PCDH11X: variants seen among roughly 807,000 people sequenced by gnomAD.
PCDH11X encodes protocadherin 11 X-linked, also known as protocadherin-11 X-linked.
PCDH11X carries 18 observed loss-of-function variants against 53.3 expected under a neutral mutation model. The observed-to-expected ratio is 0.34, with a 90% CI of 0.23 to 0.50. The LOEUF is 0.50. PCDH11X is among the 20% of genes least tolerant of loss of function. PCDH11X has a pLI of 0.98. For missense variants in PCDH11X, 570 were observed against 1,032.4 expected, an observed-to-expected ratio of 0.55 and a Z score of 6.14; for synonymous variants, 279 against 393.3, an observed-to-expected ratio of 0.71 and a Z score of 3.44.
intron 4 of PCDH11X, among the ~76,000 whole-genome samples, chrX:91,819,259 G>A (rs1371912531): frequency 2.8e-5 from 3 of 107,211 alleles, no homozygotes; most frequent in Non-Finnish European, 5.8e-5. Context: ...GTTTGTGGTT[G>A]TCCTAAGTGA....
chrX:91,866,714 TG>T (rs1479772104), intron 5 of PCDH11X, among the ~76,000 whole-genome samples: 1 of 111,062 alleles, frequency 9.0e-6, no homozygotes, highest in East Asian at 2.8e-4. Flanking sequence ...AGTGCTCACC[TG>T]ATTTTTTCAT....
At chrX:92,582,971 C>T (rs1169614820) in intron 10 of PCDH11X, among the ~76,000 whole-genome samples, 1 of 110,939 alleles carries the variant, frequency 9.0e-6, no homozygotes, top group Non-Finnish European at 1.9e-5. Context: ...CAATGTCTTC[C>T]ATTTGGAATG....
chrX:91,955,624 G>A (rs1278122963), intron 6 of PCDH11X, among the ~76,000 whole-genome samples: 1 of 111,733 alleles, frequency 8.9e-6, no homozygotes, highest in African/African-American at 3.3e-5. Flanking sequence ...TGTGCTGAGA[G>A]ACTGTTTATT....
At chrX:91,869,155 G>A (rs1706669984) in intron 5 of PCDH11X, among the ~76,000 whole-genome samples, 1 of 109,840 alleles carries the variant, frequency 9.1e-6, no homozygotes, top group South Asian at 3.9e-4. Flanking sequence ...TACTTTTAGG[G>A]GTGGTAGTTT....
chrX:92,489,097 T>C (rs2073705141), intron 10 of PCDH11X, among the ~76,000 whole-genome samples: 1 of 104,589 alleles, frequency 9.6e-6, no homozygotes, highest in Admixed American at 1.1e-4. Context: ...GTATCCATTC[T>C]GATGACTTCT....
At chrX:92,278,002 A>C (rs1407391052) in intron 8 of PCDH11X, among the ~76,000 whole-genome samples, 1 of 111,731 alleles carries the variant, frequency 9.0e-6, no homozygotes, top group African/African-American at 3.3e-5. Flanking sequence ...CCCTGCAATG[A>C]TTAAACACCA....
At chrX:92,008,022 T>G (rs1434948202) in intron 6 of PCDH11X, among the ~76,000 whole-genome samples, 1 of 110,724 alleles carries the variant, frequency 9.0e-6, no homozygotes, top group Non-Finnish European at 1.9e-5. Context: ...GTATCCTAGA[T>G]GAAAGACAAA....
chrX:92,333,842 A>AAAACC (rs2069549891), intron 8 of PCDH11X, among the ~76,000 whole-genome samples: 1 of 100,100 alleles, frequency 1.0e-5, no homozygotes, highest in Non-Finnish European at 2.0e-5. Flanking sequence ...ATTCTCATAG[A>AAAACC]AAACCAGCAA....
At chrX:92,201,168 T>G (rs908278496) in intron 6 of PCDH11X, 5 of 146,912 alleles carry the variant, frequency 3.4e-5, no homozygotes, top group African/African-American at 1.6e-4. Context: ...TTTTTTCTCT[T>G]TTTTAATTCT....
At chrX:92,452,540 C>G (rs1239591348) in intron 9 of PCDH11X, among the ~76,000 whole-genome samples, 3 of 85,459 alleles carry the variant, frequency 3.5e-5, no homozygotes, top group African/African-American at 1.4e-4. Context: ...GCTCTGTCAC[C>G]AGGCTGGAGT....
chrX:92,598,283 C>T (rs1925847935), intron 10 of PCDH11X, among the ~76,000 whole-genome samples: 1 of 109,236 alleles, frequency 9.2e-6, no homozygotes, highest in Non-Finnish European at 1.9e-5. Context: ...TGCAAATTAC[C>T]CCCCAGACAA....
At chrX:92,221,278 A>AACAC (rs58264678) in intron 7 of PCDH11X, among the ~76,000 whole-genome samples, 1,408 of 87,945 alleles carry the variant, frequency 0.016, 63 homozygotes, top group African/African-American at 0.059. Context: ...CATTGTATAC[A>AACAC]ACACACACAC....
At chrX:92,545,721 T>C (rs1416010462) in intron 10 of PCDH11X, among the ~76,000 whole-genome samples, 1 of 111,441 alleles carries the variant, frequency 9.0e-6, no homozygotes, top group Non-Finnish European at 1.9e-5. Context: ...AATTCTTGAA[T>C]TGATAATTAA....
intron 9 of PCDH11X, among the ~76,000 whole-genome samples, chrX:92,446,083 CTTATTA>C (rs1186144286): frequency 9.3e-6 from 1 of 107,262 alleles, no homozygotes; most frequent in Non-Finnish European, 1.9e-5. Flanking sequence ...ATTTTAAATT[CTTATTA>C]TTACTTAATA....
intron 6 of PCDH11X, among the ~76,000 whole-genome samples, chrX:92,017,156 A>G (rs1432045904): frequency 9.5e-6 from 1 of 104,791 alleles, no homozygotes; most frequent in East Asian, 3.0e-4. Context: ...AATAATTATA[A>G]TAGTAACATC....
intron 9 of PCDH11X, among the ~76,000 whole-genome samples, chrX:92,418,460 T>C (rs1179383793): frequency 9.0e-6 from 1 of 111,595 alleles, no homozygotes; most frequent in Non-Finnish European, 1.9e-5. Context: ...AAAATGTTAT[T>C]ACAAATAAAT....
intron 10 of PCDH11X, among the ~76,000 whole-genome samples, chrX:92,575,905 GTATATATATATATATATATATATATATA>G (rs58574424): frequency 1.8e-3 from 47 of 25,814 alleles, no homozygotes; most frequent in South Asian, 4.9e-3. Flanking sequence ...TACCTGGTGT[GTATATATATATATATATATATATATATA>G]TATATATATA....
At chrX:92,579,817 G>A (rs981632436) in intron 10 of PCDH11X, among the ~76,000 whole-genome samples, 12 of 111,457 alleles carry the variant, frequency 1.1e-4, no homozygotes, top group African/African-American at 3.9e-4. Context: ...TGGAGAGGAG[G>A]CACTGTGGCT....
At chrX:92,120,044 A>G (rs1463829187) in intron 6 of PCDH11X, among the ~76,000 whole-genome samples, 3 of 111,092 alleles carry the variant, frequency 2.7e-5, no homozygotes, top group Admixed American at 9.7e-5. Flanking sequence ...GTGATATGCC[A>G]TGATATTTTT....
Sources: allele counts gnomAD v4.1 joint callset (sites outside exome capture counted in the v4.1 genomes callset), GRCh38; gene constraint gnomAD v4.1.1; transcripts MANE v1.5; gene names NCBI Gene and HGNC (gene_info 2026-07-23, HGNC 2026-07-21).